Variants in MAF observed in about 807,000 individuals in gnomAD.
The protein encoded by MAF is MAF bZIP transcription factor, also known as transcription factor Maf.
In MAF, 10 loss-of-function variants were observed where a neutral mutation model predicts 22.0. The observed-to-expected ratio is 0.45, with a 90% CI of 0.28 to 0.77. The LOEUF (loss-of-function observed/expected upper bound fraction) is 0.77. Ranked by LOEUF, MAF falls within the 30% of genes least tolerant of loss-of-function variation. The probability of loss-of-function intolerance (pLI) is 0.12; values close to 1 mark genes in which losing one functional copy is unlikely to be tolerated. For synonymous variants in MAF, 337 were observed against 255.8 expected (o/e 1.32, Z -3.03); for missense variants, 544 against 548.4 (o/e 0.99, Z 0.08).
At chr16:79,244,456 C>A in the MAF span, among the ~76,000 whole-genome samples, 1 of 151,988 alleles carries the variant, frequency 6.6e-6, no homozygotes, top group Non-Finnish European at 1.5e-5. Flanking sequence ...TTAGTGAACT[C>A]CCATTCACAA....
At chr16:79,387,686 T>A in the MAF span, among the ~76,000 whole-genome samples, 4 of 152,170 alleles carry the variant, frequency 2.6e-5, no homozygotes, top group Non-Finnish European at 4.4e-5. Flanking sequence ...TCAAACAGTA[T>A]AAAGGGAACA....
chr16:79,415,963 T>C, the MAF span, among the ~76,000 whole-genome samples: 19 of 152,166 alleles, frequency 1.2e-4, no homozygotes, highest in South Asian at 6.2e-4. Flanking sequence ...AAATCTGAAC[T>C]TCCTACCAAG....
At chr16:79,460,094 T>G in the MAF span, among the ~76,000 whole-genome samples, 3 of 152,214 alleles carry the variant, frequency 2.0e-5, no homozygotes, top group Non-Finnish European at 2.9e-5. Flanking sequence ...AGAACAGATC[T>G]TTGTATTCTG....
At chr16:79,227,189 T>A in the MAF span, among the ~76,000 whole-genome samples, 2 of 151,856 alleles carry the variant, frequency 1.3e-5, no homozygotes, top group Admixed American at 6.6e-5. Context: ...TCAAATCCCG[T>A]CTCTACAAAA....
chr16:79,552,963 A>G, the MAF span, among the ~76,000 whole-genome samples: 4 of 152,238 alleles, frequency 2.6e-5, no homozygotes, highest in East Asian at 7.7e-4. Flanking sequence ...CCAGGGCCTC[A>G]CACTTCCCTG....
At chr16:79,300,785 G>T in the MAF span, among the ~76,000 whole-genome samples, 1 of 151,344 alleles carries the variant, frequency 6.6e-6, no homozygotes, top group East Asian at 1.9e-4. Flanking sequence ...TAGCAGATAA[G>T]AGCAATGATT....
At chr16:79,484,574 G>A in the MAF span, among the ~76,000 whole-genome samples, 12 of 152,190 alleles carry the variant, frequency 7.9e-5, no homozygotes, top group African/African-American at 2.4e-4. Context: ...TTAACAAGGG[G>A]AACAGGAGAC....
chr16:79,272,427 C>A, the MAF span, among the ~76,000 whole-genome samples: 1 of 152,200 alleles, frequency 6.6e-6, no homozygotes. Flanking sequence ...CCCCTGGAGG[C>A]CCTGTGCGTG....
intron 1 of MAF, chr16:79,598,263 T>G: frequency 9.6e-7 from 1 of 1,042,536 alleles, no homozygotes; most frequent in Non-Finnish European, 1.1e-6. Context: ...AAAAGTAAAA[T>G]TAAAAAAAAA....
chr16:79,236,397 A>T, the MAF span, among the ~76,000 whole-genome samples: 3 of 152,006 alleles, frequency 2.0e-5, no homozygotes, highest in African/African-American at 7.2e-5. Context: ...TCCTGGGGGA[A>T]GTTTTCCAGT....
At chr16:79,286,709 T>C in the MAF span, among the ~76,000 whole-genome samples, 1 of 152,166 alleles carries the variant, frequency 6.6e-6, no homozygotes, top group African/African-American at 2.4e-5. Context: ...CCACGCATCT[T>C]TAACAGGTGA....
chr16:79,546,852 G>T, the MAF span, among the ~76,000 whole-genome samples: 1 of 152,148 alleles, frequency 6.6e-6, no homozygotes. Context: ...AATTACAGTG[G>T]GAGGATGGAC....
the MAF span, among the ~76,000 whole-genome samples, chr16:79,427,634 C>A: frequency 5.9e-5 from 9 of 152,186 alleles, no homozygotes; most frequent in South Asian, 8.3e-4. Flanking sequence ...CCTCTCAAAT[C>A]GCTCTCCATT....
At chr16:79,583,995 T>C (rs892901136), downstream of MAF, among the ~76,000 whole-genome samples, 1 of 152,172 alleles carries the variant, frequency 6.6e-6, no homozygotes, top group Admixed American at 6.5e-5. Context: ...AAAATGTTAG[T>C]CAGGATCAAG....
At chr16:79,277,737 G>C in the MAF span, among the ~76,000 whole-genome samples, 3 of 152,170 alleles carry the variant, frequency 2.0e-5, no homozygotes, top group Non-Finnish European at 2.9e-5. Context: ...CTATGTGTCT[G>C]TTTATAAAAT....
the MAF span, among the ~76,000 whole-genome samples, chr16:79,316,629 T>C: frequency 6.6e-6 from 1 of 152,258 alleles, no homozygotes; most frequent in African/African-American, 2.4e-5. Flanking sequence ...CAGCTTTCCA[T>C]CTCTTCCAGC....
chr16:79,439,241 A>G, the MAF span, among the ~76,000 whole-genome samples: 1 of 146,440 alleles, frequency 6.8e-6, no homozygotes. Context: ...CTATCGTCCT[A>G]TGGGGTAGGT....
chr16:79,352,860 A>G, the MAF span, among the ~76,000 whole-genome samples: 1 of 152,246 alleles, frequency 6.6e-6, no homozygotes, highest in Non-Finnish European at 1.5e-5. Flanking sequence ...AAAATGTTGC[A>G]GGGAGGTATT....
At chr16:79,368,677 C>A in the MAF span, among the ~76,000 whole-genome samples, 1 of 152,204 alleles carries the variant, frequency 6.6e-6, no homozygotes, top group Non-Finnish European at 1.5e-5. Context: ...CTCCTTCACT[C>A]TGCTCACTTC....
Sources: gnomAD v4.1 joint callset for allele counts (sites outside exome capture counted in the v4.1 genomes callset) on GRCh38, gnomAD v4.1.1 for gene constraint, MANE v1.5 for transcripts, NCBI Gene and HGNC (gene_info 2026-07-23, HGNC 2026-07-21) for gene names.